NAV2: variants seen among roughly 807,000 people sequenced by gnomAD.
NAV2 encodes the protein neuron navigator 2.
A neutral mutation model predicts 223.2 loss-of-function variants in NAV2; 54 were observed. That is an observed-to-expected ratio of 0.24 (90% confidence interval 0.19 to 0.30). NAV2 has a LOEUF of 0.30. Among genes scored for constraint, NAV2 ranks in the 10% least tolerant of loss-of-function variants. The pLI is 1.00. For missense variants in NAV2, 2,806 were observed against 3,147.5 expected (o/e 0.89, Z 2.60); for synonymous variants, 1,279 against 1,239.3 (o/e 1.03, Z -0.67).
Position 20,027,962 on chromosome 11 carries a change from A to T in NAV2, c.2769-7997A>T, listed in dbSNP as rs534381199. On this transcript the variant is annotated intron_variant, in intron 11 of 37. Coordinates refer to ENST00000349880, the MANE Select transcript of NAV2 (RefSeq NM_145117.5). ...ATTTTGCTTTTTTGCTTCATGAGAG[A>T]TGAAATTGTAAATATCATATCACAT... is the stretch of plus-strand genomic sequence containing the variant. Among the ~76,000 whole-genome samples the T allele has an allele frequency of 5.1e-4, 77 of 152,346 alleles. 1 individual carries two copies. Among genetic ancestry groups the T allele is most frequent in the African/African-American group, 1.8e-3 (74 of 41,584 alleles).
At chr11:19,962,563 A>T (rs1317575101) in intron 10 of NAV2, among the ~76,000 whole-genome samples, 1 of 152,160 alleles carries the variant, frequency 6.6e-6, no homozygotes, top group Non-Finnish European at 1.5e-5. Context: ...CCTGCCTGGG[A>T]TGTGACCACA....
At chr11:19,687,219 G>A (rs1487210372) in intron 1 of NAV2, among the ~76,000 whole-genome samples, 3 of 152,168 alleles carry the variant, frequency 2.0e-5, no homozygotes, top group African/African-American at 2.4e-5. Flanking sequence ...CAGCATCTCC[G>A]AAACACTGGT....
intron 1 of NAV2, among the ~76,000 whole-genome samples, chr11:19,619,190 G>C (rs957952180): frequency 8.6e-5 from 13 of 151,468 alleles, no homozygotes; most frequent in African/African-American, 3.2e-4. Flanking sequence ...CCAAGTCTTT[G>C]CTATTGCGAA....
chr11:19,419,140 G>T (rs1279376577), intron 1 of NAV2, among the ~76,000 whole-genome samples: 4 of 152,132 alleles, frequency 2.6e-5, no homozygotes, highest in South Asian at 2.1e-4. Flanking sequence ...GCTGGAGTTT[G>T]GGTGCCTTCC....
intron 1 of NAV2, among the ~76,000 whole-genome samples, chr11:19,366,730 A>AT (rs1176739640): frequency 4.6e-5 from 7 of 152,222 alleles, no homozygotes; most frequent in African/African-American, 1.7e-4. Flanking sequence ...CTTTTCAGGG[A>AT]ATTTTTTTTC....
At chr11:19,653,138 C>A (rs1166799155) in intron 1 of NAV2, among the ~76,000 whole-genome samples, 1 of 152,162 alleles carries the variant, frequency 6.6e-6, no homozygotes, top group Non-Finnish European at 1.5e-5. Context: ...TAGCATGTGA[C>A]ACTTGGCACA....
At chr11:19,835,994 T>G (rs1344708174) in intron 2 of NAV2, among the ~76,000 whole-genome samples, 1 of 152,152 alleles carries the variant, frequency 6.6e-6, no homozygotes, top group African/African-American at 2.4e-5. Context: ...GTCTTGGGCC[T>G]GGGTCTTAGT....
At chr11:19,417,293 C>G (rs1850412903) in intron 1 of NAV2, among the ~76,000 whole-genome samples, 1 of 152,134 alleles carries the variant, frequency 6.6e-6, no homozygotes, top group Non-Finnish European at 1.5e-5. Flanking sequence ...AGGATATGAA[C>G]AGACACTTCT....
At chr11:19,722,316 AT>A (rs766715981) in intron 1 of NAV2, among the ~76,000 whole-genome samples, 1 of 110,822 alleles carries the variant, frequency 9.0e-6, no homozygotes, top group Non-Finnish European at 1.7e-5. Flanking sequence ...AAATGAAGTA[AT>A]TTTTTAAAAA....
chr11:20,071,164 C>G (rs2059386065), intron 22 of NAV2, among the ~76,000 whole-genome samples: 1 of 146,554 alleles, frequency 6.8e-6, no homozygotes, highest in Non-Finnish European at 1.5e-5. Flanking sequence ...ATCCATGTGC[C>G]ATGTGTTCTC....
intron 1 of NAV2, among the ~76,000 whole-genome samples, chr11:19,445,771 T>A (rs990586281): frequency 4.1e-5 from 5 of 122,622 alleles, no homozygotes; most frequent in Admixed American, 1.7e-4. Flanking sequence ...TTTTTTTTTT[T>A]AAATAAGAGA....
At chr11:19,605,868 A>T (rs994895099) in intron 1 of NAV2, among the ~76,000 whole-genome samples, 3 of 152,138 alleles carry the variant, frequency 2.0e-5, no homozygotes, top group African/African-American at 7.2e-5. Flanking sequence ...TTTCCCTGGG[A>T]CATCCTATTA....
intron 1 of NAV2, among the ~76,000 whole-genome samples, chr11:19,746,744 C>G (rs745755763): frequency 7.4e-4 from 113 of 152,178 alleles, no homozygotes; most frequent in Middle Eastern, 3.4e-3. Context: ...GCCCCATCCA[C>G]AGTGTTAATA....
intron 1 of NAV2, among the ~76,000 whole-genome samples, chr11:19,451,345 C>G (rs865961402): frequency 5.3e-5 from 8 of 152,150 alleles, no homozygotes; most frequent in African/African-American, 1.2e-4. Flanking sequence ...GCACAGAGTT[C>G]GTCACATCAC....
At chr11:19,380,100 C>T (rs749516638) in intron 1 of NAV2, among the ~76,000 whole-genome samples, 5 of 152,190 alleles carry the variant, frequency 3.3e-5, no homozygotes, top group Non-Finnish European at 5.9e-5. Context: ...TCTTCATCCC[C>T]TTATTGTTGC....
chr11:19,630,274 C>T (rs1009505228), intron 1 of NAV2, among the ~76,000 whole-genome samples: 7 of 152,158 alleles, frequency 4.6e-5, no homozygotes, highest in Admixed American at 6.5e-5. Flanking sequence ...CTGGCTTAGC[C>T]CCAAATCCTC....
intron 1 of NAV2, among the ~76,000 whole-genome samples, chr11:19,368,943 G>C (rs1848379680): frequency 6.6e-6 from 1 of 152,208 alleles, no homozygotes; most frequent in Non-Finnish European, 1.5e-5. Context: ...TTTTAACAAA[G>C]TATACAGACA....
chr11:20,073,747 T>C (rs931181047), intron 22 of NAV2, among the ~76,000 whole-genome samples: 1 of 150,922 alleles, frequency 6.6e-6, no homozygotes, highest in African/African-American at 2.5e-5. Flanking sequence ...TATTCTCTGA[T>C]GGTAGTTTGT....
rs1045685571 is a variant in NAV2, at chr11:19,584,255, C to T, written c.75+233228C>T. On this transcript the variant is annotated intron_variant, in intron 1 of 37. Coordinates refer to the NAV2 transcript ENST00000360655. ...TTTATCATTTTTTATTGGGTCTATT[C>T]GATTCTTCTCTCTTTTCTTCTTTAT... is the stretch of plus-strand genomic sequence containing the variant. 6.6e-5 allele frequency among the ~76,000 whole-genome samples: 10 copies of T among 151,564 alleles called. No homozygotes were observed. The East Asian group carries it at 7.7e-4, about 12-fold the overall frequency.
Sources: gnomAD v4.1 joint callset for allele counts (sites outside exome capture counted in the v4.1 genomes callset) on GRCh38, gnomAD v4.1.1 for gene constraint, MANE v1.5 for transcripts, NCBI Gene and HGNC (gene_info 2026-07-23, HGNC 2026-07-21) for gene names.